The following SGSM2 variants were observed in gnomAD, a reference collection of about 807,000 sequenced individuals.
SGSM2 encodes the protein small G protein signaling modulator 2, also known as RUN and TBC1 domain containing 1.
In SGSM2, 89 loss-of-function variants were observed where a neutral mutation model predicts 126.6. The observed-to-expected ratio is 0.70, with a 90% CI of 0.59 to 0.84. The LOEUF is 0.84. SGSM2 is among the 40% of genes least tolerant of loss of function. The probability of loss-of-function intolerance (pLI) is 0.00; values close to 1 mark genes in which losing one functional copy is unlikely to be tolerated. For synonymous variants in SGSM2, 614 were observed against 574.3 expected (o/e 1.07, Z -0.99); for missense variants, 1,404 against 1,416.6 (o/e 0.99, Z 0.14).
intron 1 of SGSM2, among the ~76,000 whole-genome samples, chr17:2,339,343 G>A (rs1161140943): frequency 2.6e-5 from 4 of 152,104 alleles, no homozygotes; most frequent in African/African-American, 9.7e-5. Flanking sequence ...GGCTGTGGCA[G>A]GAGAATCGCT....
chr17:2,350,284 A>T (rs1037567185), intron 2 of SGSM2, among the ~76,000 whole-genome samples: 1 of 151,786 alleles, frequency 6.6e-6, no homozygotes, highest in Non-Finnish European at 1.5e-5. Context: ...TAAAAAAGAG[A>T]AGAGAAGTTT....
intron 1 of SGSM2, among the ~76,000 whole-genome samples, chr17:2,340,802 T>C (rs571565958): frequency 2.0e-5 from 3 of 152,222 alleles, no homozygotes; most frequent in East Asian, 3.9e-4. Context: ...GCCAGGATGG[T>C]CTCGATCTCC....
Position 2,376,205 on chromosome 17 carries a change from C to T in SGSM2, c.2553C>T (p.Arg851=). The T allele has an allele frequency of 6.2e-7, 1 of 1,613,918 alleles. No individual in the cohort carries two copies. Among genetic ancestry groups the T allele is most frequent in the Non-Finnish European group, 8.5e-7 (1 of 1,179,968 alleles). ...RIDKDVQRCD[R]NYWYFTPPNL... is the part of the protein sequence containing the mutation. The stretch of plus-strand genomic sequence containing the variant: ...ACAAGGATGTGCAGAGGTGTGACCG[C>T]AACTACTGGTACTTCACGCCCCCCA... Residue 851 remains arginine, a synonymous_variant, in exon 19 of 24, where the codon CGC becomes CGT. Transcript: ENST00000268989.
chr17:2,340,710 G>A (rs1189802455), intron 1 of SGSM2, among the ~76,000 whole-genome samples: 2 of 151,608 alleles, frequency 1.3e-5, no homozygotes, highest in Admixed American at 6.6e-5. Flanking sequence ...TCAGCCTTCT[G>A]AGTAGCTGGG....
chr17:2,372,368 C>CACGGTGCGGACCCACCTGTCG lies in SGSM2; in HGVS notation c.1669_1689dup (p.Thr557_Ser563dup). 6.3e-7 allele frequency: 1 copy of CACGGTGCGGACCCACCTGTCG among 1,591,166 alleles called. No homozygotes were observed. The highest frequency in any genetic ancestry group is 8.5e-7 in the Non-Finnish European group (1 of 1,169,710). ...GGCTGGCACACTGCCGCCACCTGTC[C>CACGGTGCGGACCCACCTGTCG]ACGGTGCGGACCCACCTGTCGGCGC... is the stretch of plus-strand genomic sequence containing the variant. On this transcript the variant is annotated inframe_insertion, in exon 15 of 24. Coordinates refer to ENST00000268989, the MANE Select transcript of SGSM2 (RefSeq NM_014853.3). This position sits in a 1 kb window ranked among gnomAD's most constrained non-coding sequence, Gnocchi z 6.0.
chr17:2,358,144 G>A (rs573113201), intron 2 of SGSM2, among the ~76,000 whole-genome samples: 2 of 152,328 alleles, frequency 1.3e-5, no homozygotes, highest in African/African-American at 2.4e-5. Context: ...GGGGAAGGAA[G>A]GAGTAAGGGG....
intron 2 of SGSM2, among the ~76,000 whole-genome samples, chr17:2,352,173 G>A (rs1456307671): frequency 6.6e-6 from 1 of 152,224 alleles, no homozygotes; most frequent in Non-Finnish European, 1.5e-5. Flanking sequence ...ACTTGAAAGA[G>A]GCGGGTCCTC....
At chr17:2,376,578 C>T (rs2066166745) in intron 19 of SGSM2, 155 bp from the exon 20 acceptor site, 1 of 849,602 alleles carries the variant, frequency 1.2e-6, no homozygotes, top group African/African-American at 1.7e-5. Context: ...GGGTTGTTCC[C>T]CGTTGTCTCC....
At chr17:2,345,902 A>G (rs1454754068) in intron 2 of SGSM2, among the ~76,000 whole-genome samples, 1 of 152,188 alleles carries the variant, frequency 6.6e-6, no homozygotes, top group African/African-American at 2.4e-5. Flanking sequence ...AGCATTGATT[A>G]TCAACCTTTT....
chr17:2,350,617 C>CA (rs1010645098), intron 2 of SGSM2, among the ~76,000 whole-genome samples: 19 of 150,440 alleles, frequency 1.3e-4, no homozygotes, highest in East Asian at 5.9e-4. Flanking sequence ...GACTCTGTCT[C>CA]AAAAAAAACA....
At chr17:2,345,831 C>G (rs1246677034) in intron 2 of SGSM2, among the ~76,000 whole-genome samples, 1 of 152,106 alleles carries the variant, frequency 6.6e-6, no homozygotes, top group African/African-American at 2.4e-5. Flanking sequence ...TATGCTTTGT[C>G]AAAATTGGTG....
chr17:2,376,752 G>A lies in SGSM2; in HGVS notation c.2629G>A (p.Asp877Asn). 6.2e-7 allele frequency: 1 copy of A among 1,614,040 alleles called. No homozygotes were observed. The highest frequency in any genetic ancestry group is 8.5e-7 in the Non-Finnish European group (1 of 1,180,038). The change falls in exon 20 of 24, where the codon GAC becomes AAC. Residue 877 changes from aspartate to asparagine, a missense_variant. Coordinates refer to ENST00000268989, the MANE Select transcript of SGSM2 (RefSeq NM_014853.3). ...TTTCAGCTACGTGTGGGAGCACCTG[G>A]ACGTGGGCTATGTGCAGGGCATGTG... ...VMCSYVWEHL[D>N]VGYVQGMCDL... is the part of the protein sequence containing the mutation.
chr17:2,350,057 G>T (rs1195573949), intron 2 of SGSM2, among the ~76,000 whole-genome samples: 1 of 152,048 alleles, frequency 6.6e-6, no homozygotes. Flanking sequence ...AAAGTGCTGG[G>T]ATTACAGGCG....
At chr17:2,359,169 G>A (rs1410511686) in intron 2 of SGSM2, among the ~76,000 whole-genome samples, 3 of 152,196 alleles carry the variant, frequency 2.0e-5, no homozygotes, top group Non-Finnish European at 2.9e-5. Flanking sequence ...GAGCCACGGC[G>A]CCCAGACCCA....
rs1298582251 is a variant in SGSM2, at chr17:2,372,134, C to T, written c.1578-56C>T. On this transcript the variant is annotated intron_variant, in intron 13 of 23. Transcript: ENST00000268989. This position sits in a 1 kb window ranked among gnomAD's most constrained non-coding sequence, Gnocchi z 6.0. ...GGACAGAGCCTCCTCCCTTCTCTCT[C>T]TCCTCCCACCAGAGGGGCCGCAGCC... is the stretch of plus-strand genomic sequence containing the variant. 2.8e-5 allele frequency: 44 copies of T among 1,596,196 alleles called. 2 individuals carry two copies. Among genetic ancestry groups the T allele is most frequent in the South Asian group, 1.7e-4 (15 of 90,682 alleles).
rs547938778 is a variant in SGSM2, at chr17:2,366,202, G to A, written c.1288+861G>A. ...TTTGGGCACTGGCGGGTAGAAAGGC[G>A]GCTTGGCCCTTGTGGGTCCTGCCCC... is the stretch of plus-strand genomic sequence containing the variant. On this transcript the variant is annotated intron_variant, in intron 11 of 23. Transcript: ENST00000268989. Among the ~76,000 whole-genome samples the A allele has an allele frequency of 3.9e-5, 6 of 152,226 alleles. No individual in the cohort carries two copies. In the South Asian group the frequency reaches 1.0e-3, roughly 26 times the overall value.
At chr17:2,364,286 C>G in intron 8 of SGSM2, 103 bp downstream of exon 8, 2 of 1,448,766 alleles carry the variant, frequency 1.4e-6, no homozygotes, top group South Asian at 2.4e-5. Flanking sequence ...GCCAACCTCA[C>G]TCTTTATTTG....
chr17:2,369,999 G>A (rs1014445202), intron 12 of SGSM2, among the ~76,000 whole-genome samples: 1 of 152,146 alleles, frequency 6.6e-6, no homozygotes. Context: ...AGAGAGCCCC[G>A]GCCAAGGCAG....
chr17:2,371,411 G>A lies in SGSM2; in HGVS notation c.1573G>A (p.Asp525Asn), dbSNP rs756221037. 17 of 1,596,506 alleles carry A rather than the reference G, an allele frequency of 1.1e-5. No homozygotes were observed. The highest frequency in any genetic ancestry group is 3.6e-4 in the Middle Eastern group (2 of 5,544). ...CCCCAGCCACTGTAGCTGCATCCCC[G>A]ACCGGTGAGTGGGCAGCGCTCGGCC... ...ATPSHCSCIP[D>N]RLPLRLLCES... Residue 525 changes from aspartate (D) to asparagine (N), a missense_variant, in exon 13 of 24, where the codon GAC (aspartate) becomes AAC (asparagine). Asp to Asn is a conservative substitution (Grantham distance 23, BLOSUM62 1). Coordinates refer to ENST00000268989, the MANE Select transcript of SGSM2 (RefSeq NM_014853.3).
Sources: allele counts gnomAD v4.1 joint callset (sites outside exome capture counted in the v4.1 genomes callset), GRCh38; gene constraint gnomAD v4.1.1; non-coding constraint Gnocchi (gnomAD v3.1); transcripts MANE v1.5; gene names NCBI Gene and HGNC (gene_info 2026-07-23, HGNC 2026-07-21).